CLYBL: variants seen among roughly 807,000 people sequenced by gnomAD.
CLYBL encodes the protein citramalyl-CoA lyase, mitochondrial.
A neutral mutation model predicts 38.9 loss-of-function variants in CLYBL; 31 were observed. The ratio of observed to expected loss-of-function variants is 0.80; its 90% CI spans 0.60 to 1.08. CLYBL has a LOEUF of 1.08. Ranked by LOEUF, CLYBL falls within the 50% of genes least tolerant of loss-of-function variation. CLYBL has a pLI of 0.00. For synonymous variants in CLYBL, 171 were observed against 158.6 expected (o/e 1.08, Z -0.59); for missense variants, 434 against 411.6 (o/e 1.05, Z -0.47).
At chr13:99,841,787 CTTTCTTTTCT>C (rs200326267) in intron 2 of CLYBL, among the ~76,000 whole-genome samples, 15 of 144,986 alleles carry the variant, frequency 1.0e-4, no homozygotes, top group Non-Finnish European at 1.7e-4. Flanking sequence ...TATTTTTTTT[CTTTCTTTTCT>C]TTTCTTTTCT....
In CLYBL at chr13:99,863,107, A is replaced by G; in HGVS notation, c.540+15A>G. On this transcript the variant is annotated intron_variant, in intron 4 of 8. Transcript: ENST00000339105. The stretch of plus-strand genomic sequence containing the variant: ...TCAATTTTAAGGTAAGGAAGCCATA[A>G]TACGGTTAATAAGTTAGCATTTTAT... 1 of 1,392,382 alleles carries G rather than the reference A, an allele frequency of 7.2e-7. No individual in the cohort carries two copies. Among genetic ancestry groups the G allele is most frequent in the Non-Finnish European group, 1.0e-6 (1 of 990,350 alleles). The allele number at this position is 1,392,382 out of a possible 1,614,324, so 86.3% of individuals were successfully genotyped here.
intron 1 of CLYBL, among the ~76,000 whole-genome samples, chr13:99,632,650 C>T (rs1398965023): frequency 6.6e-6 from 1 of 152,072 alleles, no homozygotes; most frequent in East Asian, 1.9e-4. Context: ...GAGGCTGAGG[C>T]AAGAGAATCC....
At chr13:99,642,671 T>G (rs1030588185) in intron 1 of CLYBL, among the ~76,000 whole-genome samples, 1 of 152,090 alleles carries the variant, frequency 6.6e-6, no homozygotes, top group South Asian at 2.1e-4. Flanking sequence ...TTCTGCCTCA[T>G]TCTTCCCAAG....
intron 1 of CLYBL, among the ~76,000 whole-genome samples, chr13:99,699,561 C>T (rs188627159): frequency 2.0e-4 from 30 of 150,336 alleles, no homozygotes; most frequent in Non-Finnish European, 3.4e-4. Context: ...GGCATGGTGG[C>T]ACGCGCCTGT....
At chr13:99,770,875 C>T (rs2049376790) in intron 1 of CLYBL, among the ~76,000 whole-genome samples, 1 of 151,932 alleles carries the variant, frequency 6.6e-6, no homozygotes, top group African/African-American at 2.4e-5. Context: ...GTGTGTGCCA[C>T]CACACCCAGC....
intron 2 of CLYBL, among the ~76,000 whole-genome samples, chr13:99,785,189 G>A (rs1168141965): frequency 1.8e-5 from 2 of 109,840 alleles, no homozygotes; most frequent in South Asian, 3.3e-4. Context: ...CACCCCGCCT[G>A]GCTTTTTTTT....
chr13:99,617,633 A>G (rs200864023), intron 1 of CLYBL, among the ~76,000 whole-genome samples: 1 of 50,552 alleles, frequency 2.0e-5, no homozygotes, highest in Non-Finnish European at 4.4e-5. Flanking sequence ...GCCCTCACGA[A>G]CGCCTTTCAG....
intron 1 of CLYBL, among the ~76,000 whole-genome samples, chr13:99,764,897 C>G (rs544926997): frequency 6.6e-6 from 1 of 151,418 alleles, no homozygotes; most frequent in East Asian, 1.9e-4. Context: ...GCTATGTTGT[C>G]CAGGCTTGCC....
chr13:99,857,387 A>G lies in CLYBL; in HGVS notation c.250-1474A>G, dbSNP rs181011703. Among the ~76,000 whole-genome samples the G allele has an allele frequency of 1.7e-3, 261 of 152,286 alleles. 1 individual carries two copies. Among genetic ancestry groups the G allele is most frequent in the Non-Finnish European group, 3.4e-3 (234 of 68,018 alleles). On this transcript the variant is annotated intron_variant, in intron 2 of 8. Coordinates refer to ENST00000339105, the MANE Select transcript of CLYBL (RefSeq NM_206808.5). ...ATGGTAGAGCAAGTGGGCGAGTTTTATATCTATGGAATAAAACAAAGGTAT... is the reference window on the plus strand; with the variant it reads ...ATGGTAGAGCAAGTGGGCGAGTTTTGTATCTATGGAATAAAACAAAGGTAT...
At chr13:99,720,179 C>T in intron 1 of CLYBL, among the ~76,000 whole-genome samples, 1 of 151,748 alleles carries the variant, frequency 6.6e-6, no homozygotes, top group South Asian at 2.1e-4. Context: ...AGAAATTATA[C>T]ATTCTATTTT....
intron 2 of CLYBL, among the ~76,000 whole-genome samples, chr13:99,803,581 A>G (rs2050175151): frequency 6.6e-6 from 1 of 152,222 alleles, no homozygotes; most frequent in Admixed American, 6.5e-5. Context: ...TGACTTTCCT[A>G]ATATGTGTAA....
chr13:99,844,547 C>T (rs1269423368), intron 2 of CLYBL, among the ~76,000 whole-genome samples: 1 of 152,204 alleles, frequency 6.6e-6, no homozygotes, highest in Non-Finnish European at 1.5e-5. Context: ...GTTAAGATCC[C>T]CCTGGCAGTG....
At chr13:99,781,725 G>A (rs762763719) in intron 2 of CLYBL, among the ~76,000 whole-genome samples, 3 of 152,102 alleles carry the variant, frequency 2.0e-5, no homozygotes, top group Non-Finnish European at 4.4e-5. Flanking sequence ...TGATCCACCC[G>A]CCTCGGCCTC....
intron 2 of CLYBL, among the ~76,000 whole-genome samples, chr13:99,852,893 G>A (rs769008761): frequency 6.6e-6 from 1 of 152,090 alleles, no homozygotes; most frequent in Non-Finnish European, 1.5e-5. Context: ...TCCATCCATC[G>A]ATTTGCTTTG....
intron 2 of CLYBL, among the ~76,000 whole-genome samples, chr13:99,781,168 ATT>A (rs1566324366): frequency 2.6e-4 from 29 of 109,722 alleles, no homozygotes; most frequent in African/African-American, 7.8e-4. Context: ...ATTTATTTTT[ATT>A]TATTTATTTA....
intron 2 of CLYBL, among the ~76,000 whole-genome samples, chr13:99,848,376 T>C (rs2051256388): frequency 6.6e-6 from 1 of 152,204 alleles, no homozygotes; most frequent in African/African-American, 2.4e-5. Context: ...CCCCAGCACC[T>C]GGTGCAGTGG....
intron 1 of CLYBL, among the ~76,000 whole-genome samples, chr13:99,695,999 A>G (rs993643774): frequency 7.2e-5 from 11 of 152,188 alleles, no homozygotes; most frequent in Admixed American, 7.2e-4. Context: ...CCCCAACAGT[A>G]ACAAAGAACA....
Position 99,828,007 on chromosome 13 carries a change from A to C in CLYBL, c.250-30854A>C, listed in dbSNP as rs148971998. 3.0e-3 allele frequency among the ~76,000 whole-genome samples: 461 copies of C among 152,290 alleles called. 5 individuals carry two copies. The highest frequency in any genetic ancestry group is 0.01 in the African/African-American group (428 of 41,572). On this transcript the variant is annotated intron_variant, in intron 2 of 8. Transcript: ENST00000339105. ...AGAGATTTTCGTTTCATTTGTGCACAGGGAAGAGTTGAAATGCCCCTCCTG... is the reference window on the plus strand; with the variant it reads ...AGAGATTTTCGTTTCATTTGTGCACCGGGAAGAGTTGAAATGCCCCTCCTG...
chr13:99,876,069 CTTTTTTTT>C (rs10625169), intron 7 of CLYBL, among the ~76,000 whole-genome samples: 1 of 106,656 alleles, frequency 9.4e-6, no homozygotes, highest in African/African-American at 3.6e-5. Context: ...TTCTATTTCA[CTTTTTTTT>C]TTTTTTTTTT....
Sources: gnomAD v4.1 joint callset for allele counts (sites outside exome capture counted in the v4.1 genomes callset) on GRCh38, gnomAD v4.1.1 for gene constraint, MANE v1.5 for transcripts, NCBI Gene and HGNC (gene_info 2026-07-23, HGNC 2026-07-21) for gene names.